The following HTRA4 variants were observed in gnomAD, a reference collection of about 807,000 sequenced individuals.
HTRA4 encodes serine protease HTRA4.
In HTRA4, 46 loss-of-function variants were observed where a neutral mutation model predicts 49.1. That is an observed-to-expected ratio of 0.94 (90% CI 0.74 to 1.20). The LOEUF (loss-of-function observed/expected upper bound fraction) is 1.20, where lower values mean the gene tolerates loss of function less well. HTRA4 is among the 50% of genes most tolerant of loss of function. The pLI is 0.00. For synonymous variants in HTRA4, 261 were observed against 264.0 expected, an observed-to-expected ratio of 0.99 and a Z score of 0.11; for missense variants, 602 against 636.9, an observed-to-expected ratio of 0.95 and a Z score of 0.59.
In HTRA4 at chr8:38,987,868, T is replaced by G. The variant is rs528808361; in HGVS notation, c.1269-68T>G. 7 of 1,368,630 alleles carry G rather than the reference T, an allele frequency of 5.1e-6. No homozygotes were observed. The African/African-American group carries it at 1.0e-4, about 20-fold the overall frequency. The allele number at this position is 1,368,630 out of a possible 1,614,324, so 84.8% of individuals were successfully genotyped here. A position where few individuals can be genotyped will look rare whatever the true frequency, so the allele number is the denominator to read the frequency against. On this transcript the variant is annotated intron_variant, in intron 8 of 8. Transcript: ENST00000302495. ...GTGCCATTAAGACAGAAATATTAAA[T>G]TATAGATGGGGATAAGTAAAATTCT... is the stretch of plus-strand genomic sequence containing the variant.
At chr8:38,981,062 A>ATTTTTT (rs1835412274) in intron 5 of HTRA4, among the ~76,000 whole-genome samples, 1 of 74,108 alleles carries the variant, frequency 1.3e-5, no homozygotes, top group African/African-American at 4.6e-5. Flanking sequence ...AATGAGCTTA[A>ATTTTTT]GTTTTTTTTT....
Position 38,974,242 on chromosome 8 carries a change from G to A in HTRA4, c.-22G>A. The A allele has an allele frequency of 6.2e-7, 1 of 1,611,508 alleles. No homozygotes were observed. Among genetic ancestry groups the A allele is most frequent in the Non-Finnish European group, 8.5e-7 (1 of 1,178,798 alleles). On this transcript the variant is annotated 5_prime_UTR_variant, in exon 1 of 9. In the 5' UTR this introduces an upstream ATG that the reference lacks. Transcript: ENST00000302495. ...AGGTCCAGAGTAAAGTCACTGAAGA[G>A]TGGAAGCGAGGAAGGAACAGGATGA...
At chr8:38,982,139 T>C (rs1835431794) in intron 6 of HTRA4, among the ~76,000 whole-genome samples, 1 of 152,170 alleles carries the variant, frequency 6.6e-6, no homozygotes, top group South Asian at 2.1e-4. Context: ...TGAACCACCA[T>C]GCCTGGCCCG....
At chr8:38,976,825 C>A in intron 3 of HTRA4, 86 bp downstream of exon 3, 1 of 1,229,530 alleles carries the variant, frequency 8.1e-7, no homozygotes, top group Non-Finnish European at 1.2e-6. Flanking sequence ...TACACTCTCA[C>A]ACCACATCTT....
intron 2 of HTRA4, among the ~76,000 whole-genome samples, chr8:38,975,343 G>T (rs986262466): frequency 6.6e-6 from 1 of 152,208 alleles, no homozygotes; most frequent in Non-Finnish European, 1.5e-5. Flanking sequence ...TGCCCACTTA[G>T]GTGGCTGGTG....
At chr8:38,981,790 T>TG (rs1199615935) in intron 6 of HTRA4, 23 bp downstream of exon 6, 2 of 1,538,064 alleles carry the variant, frequency 1.3e-6, no homozygotes. Context: ...GGGATTTTTT[T>TG]TTTTTTGGTT....
intron 8 of HTRA4, among the ~76,000 whole-genome samples, chr8:38,983,365 C>T (rs1321918830): frequency 1.3e-5 from 2 of 152,118 alleles, no homozygotes; most frequent in South Asian, 2.1e-4. Flanking sequence ...ACTGAAACCC[C>T]GTCTCTACTA....
chr8:38,980,556 C>T (rs536104979), intron 5 of HTRA4, among the ~76,000 whole-genome samples: 119 of 145,848 alleles, frequency 8.2e-4, no homozygotes, highest in African/African-American at 3.0e-3. Context: ...GGTGAAACCC[C>T]ATCTCTACCT....
intron 5 of HTRA4, among the ~76,000 whole-genome samples, chr8:38,981,063 G>GTTTATTTTTTTT (rs1835412623): frequency 2.1e-5 from 1 of 48,144 alleles, no homozygotes; most frequent in African/African-American, 6.1e-5. Context: ...ATGAGCTTAA[G>GTTTATTTTTTTT]TTTTTTTTTT....
In HTRA4 at chr8:38,974,611, C is replaced by T. The variant is rs1171616811; in HGVS notation, c.348C>T (p.Cys116=). The change falls in exon 1 of 9, where the codon TGC becomes TGT. Residue 116 remains cysteine, a synonymous_variant. Transcript: ENST00000302495. Reference sequence around the variant, plus strand: ...GCCCGACGCTGGGAGGGGCCGTGTGCGGCAGCGACAGGCGCACCTACCCCA... The same window carrying T: ...GCCCGACGCTGGGAGGGGCCGTGTGTGGCAGCGACAGGCGCACCTACCCCA... ...CGCPTLGGAV[C]GSDRRTYPSM... is the part of the protein sequence containing the mutation. 3 of 1,426,010 alleles carry T rather than the reference C, an allele frequency of 2.1e-6. No individual in the cohort carries two copies. Among genetic ancestry groups the T allele is most frequent in the African/African-American group, 1.5e-5 (1 of 66,648 alleles). 88.3% of individuals were successfully genotyped at this position (1,426,010 alleles called of 1,614,324 possible).
At chr8:38,985,754 G>A (rs905819462) in intron 8 of HTRA4, among the ~76,000 whole-genome samples, 8 of 152,190 alleles carry the variant, frequency 5.3e-5, no homozygotes, top group Admixed American at 2.6e-4. Flanking sequence ...GTAGACCAGC[G>A]TCATTAGCTC....
Position 38,988,079 on chromosome 8 carries a change from T to C in HTRA4, c.1412T>C (p.Ile471Thr). ...RGKDNLLLTV[I>T]PETIN is the part of the protein sequence containing the mutation. ...AAAGATAATTTGCTCCTGACAGTCA[T>C]ACCTGAAACAATCAATTAAATATCT... The change falls in exon 9 of 9, where the codon ATA becomes ACA. Residue 471 changes from isoleucine to threonine, a missense_variant. By Grantham distance (89) the Ile-to-Thr change is moderately conservative. Transcript: ENST00000302495. The C allele has an allele frequency of 6.3e-7, 1 of 1,591,858 alleles. No homozygotes were observed. Among genetic ancestry groups the C allele is most frequent in the Non-Finnish European group, 8.5e-7 (1 of 1,173,746 alleles).
intron 6 of HTRA4, 75 bp from the exon 7 acceptor site, chr8:38,982,423 G>C: frequency 3.9e-6 from 5 of 1,266,780 alleles, no homozygotes; most frequent in Non-Finnish European, 5.7e-6. Flanking sequence ...AAGAGATCCT[G>C]GGACATGGGT....
chr8:38,984,119 G>C (rs1835456712), intron 8 of HTRA4, among the ~76,000 whole-genome samples: 1 of 151,880 alleles, frequency 6.6e-6, no homozygotes. Flanking sequence ...TCCTGCCTCA[G>C]CCTCCCGAGT....
chr8:38,976,173 A>G (rs1588290293), intron 2 of HTRA4, among the ~76,000 whole-genome samples: 1 of 152,222 alleles, frequency 6.6e-6, no homozygotes, highest in East Asian at 1.9e-4. Context: ...GCACTTTGGG[A>G]GGCCGAGGCG....
At chr8:38,980,699 A>G (rs1835407506) in intron 5 of HTRA4, among the ~76,000 whole-genome samples, 4 of 151,976 alleles carry the variant, frequency 2.6e-5, no homozygotes, top group African/African-American at 9.7e-5. Context: ...GGTTGCACCA[A>G]TGCACTCCAG....
In HTRA4 at chr8:38,975,089, G is replaced by C; in HGVS notation, c.525G>C (p.Glu175Asp). 6.2e-7 allele frequency: 1 copy of C among 1,613,976 alleles called. No individual in the cohort carries two copies. Among genetic ancestry groups the C allele is most frequent in the African/African-American group, 1.3e-5 (1 of 75,056 alleles). The change falls in exon 2 of 9, where the codon GAG (glutamate) becomes GAC (aspartate). Residue 175 changes from glutamate (E) to aspartate (D), a missense_variant. Glu to Asp is a conservative substitution (Grantham distance 45, BLOSUM62 2). Coordinates refer to ENST00000302495, the MANE Select transcript of HTRA4 (RefSeq NM_153692.4). ...RNYNFIAAVV[E>D]KVAPSVVHVQ... ...ACAACTTCATCGCCGCGGTGGTGGA[G>C]AAGGTGGCGCCATCGGTGGTTCACG...
intron 8 of HTRA4, among the ~76,000 whole-genome samples, chr8:38,987,329 A>G (rs1460835414): frequency 6.6e-6 from 1 of 152,228 alleles, no homozygotes; most frequent in Non-Finnish European, 1.5e-5. Context: ...TGAAGGCAAT[A>G]AAGTCACAAC....
At position 38,982,483 on chromosome 8, in the gene HTRA4, A is replaced by G; in HGVS notation, c.1115-15A>G. The G allele has an allele frequency of 6.2e-7, 1 of 1,611,600 alleles. No homozygotes were observed. Among genetic ancestry groups the G allele is most frequent in the East Asian group, 2.2e-5 (1 of 44,876 alleles). On this transcript the variant is annotated splice_polypyrimidine_tract_variant and intron_variant, in intron 6 of 8. Coordinates refer to ENST00000302495, the MANE Select transcript of HTRA4 (RefSeq NM_153692.4). ...AAGAGGTTTTGTTGTAACACATCAT[A>G]ACTTTCCTTTCCAGGAAAGGCGTTT... is the stretch of plus-strand genomic sequence containing the variant.
Sources: gnomAD v4.1 joint callset for allele counts (sites outside exome capture counted in the v4.1 genomes callset) on GRCh38, gnomAD v4.1.1 for gene constraint, MANE v1.5 for transcripts, NCBI Gene and HGNC (gene_info 2026-07-23, HGNC 2026-07-21) for gene names.